The following HAO2 variants were observed in gnomAD, a reference collection of about 807,000 sequenced individuals.
HAO2 encodes the protein hydroxyacid oxidase 2, also known as 2-Hydroxyacid oxidase 2.
HAO2 carries 42 observed loss-of-function variants against 37.4 expected under a neutral mutation model. The observed-to-expected ratio is 1.12, with a 90% CI of 0.88 to 1.45. The LOEUF is 1.45. Among genes scored for constraint, HAO2 ranks in the 40% most tolerant of loss-of-function variants. HAO2 has a pLI of 0.00. For missense variants in HAO2, 476 were observed against 430.2 expected (o/e 1.11, Z -0.94); for synonymous variants, 180 against 162.8 (o/e 1.11, Z -0.81).
chr1:119,385,795 A>T (rs1650337035), intron 4 of HAO2: 1 of 984,288 alleles, frequency 1.0e-6, no homozygotes, highest in Non-Finnish European at 1.2e-6. Context: ...AACAGTTCTC[A>T]TTAATCACAG....
At chr1:119,380,852 G>T in intron 1 of HAO2, 1 of 728,612 alleles carries the variant, frequency 1.4e-6, no homozygotes, top group South Asian at 1.8e-5. Context: ...CAAATAATCA[G>T]GATTTGGGAA....
Position 119,392,186 on chromosome 1 carries a change from G to A in HAO2, c.848G>A (p.Gly283Asp), listed in dbSNP as rs1157697094. The A allele has an allele frequency of 1.5e-5, 25 of 1,613,294 alleles. No individual in the cohort carries two copies. Among genetic ancestry groups the A allele is most frequent in the Non-Finnish European group, 2.1e-5 (25 of 1,179,384 alleles). Residue 283 changes from glycine to aspartate, a missense_variant, in exon 6 of 8, where the codon GGC becomes GAC. Gly to Asp is a moderately conservative substitution (Grantham distance 94). Coordinates refer to ENST00000325945, the MANE Select transcript of HAO2 (RefSeq NM_016527.4). ...TACCTGGATGGCGGGGTCCGAACTG[G>A]CAATGATGTGCTGAAGGCTCTGGCC... Reference protein sequence around the residue: ...EVYLDGGVRTGNDVLKALALG... With the variant: ...EVYLDGGVRTDNDVLKALALG...
chr1:119,369,628 T>C (rs1222916835), intron 1 of HAO2, among the ~76,000 whole-genome samples: 1 of 152,236 alleles, frequency 6.6e-6, no homozygotes, highest in East Asian at 1.9e-4. Flanking sequence ...ACAAGATCCC[T>C]ATGAGATAGA....
At chr1:119,374,624 T>C (rs587700003) in intron 1 of HAO2, among the ~76,000 whole-genome samples, 4 of 152,258 alleles carry the variant, frequency 2.6e-5, no homozygotes, top group East Asian at 1.9e-4. Context: ...CTGACTTTTC[T>C]CCCCCGTTGT....
At chr1:119,381,451 T>C (rs1341711263) in intron 2 of HAO2, among the ~76,000 whole-genome samples, 2 of 152,182 alleles carry the variant, frequency 1.3e-5, no homozygotes, top group African/African-American at 2.4e-5. Context: ...TTCTCCTTCA[T>C]CTCAGCAACT....
Position 119,384,950 on chromosome 1 carries a change from T to C in HAO2, c.458T>C (p.Leu153Ser). ...QRVESLGFKA[L>S]VITLDTPVCG... ...GTAGAATCCCTAGGTTTCAAAGCTT[T>C]GGTAATAACTTTGGATACACCTGTA... The change falls in exon 4 of 8, where the codon TTG becomes TCG. Residue 153 changes from leucine (L) to serine (S), a missense_variant. Physicochemically the swap from Leu to Ser is moderately radical, Grantham distance 145. Transcript: ENST00000325945. 6.2e-7 allele frequency: 1 copy of C among 1,613,956 alleles called. No homozygotes were observed. The highest frequency in any genetic ancestry group is 1.1e-5 in the South Asian group (1 of 91,062).
At chr1:119,373,778 G>T (rs1031107909) in intron 1 of HAO2, among the ~76,000 whole-genome samples, 1 of 152,122 alleles carries the variant, frequency 6.6e-6, no homozygotes, top group Admixed American at 6.6e-5. Flanking sequence ...ATGCTTACAG[G>T]TTGAGAAGGG....
At chr1:119,389,632 A>ATT (rs111554074) in intron 5 of HAO2, among the ~76,000 whole-genome samples, 2 of 138,400 alleles carry the variant, frequency 1.4e-5, no homozygotes, top group Admixed American at 7.2e-5. Context: ...TTTTGATGAG[A>ATT]TTTTTTTTTT....
chr1:119,369,559 G>T (rs587605323), intron 1 of HAO2, among the ~76,000 whole-genome samples: 8 of 152,248 alleles, frequency 5.3e-5, no homozygotes. Context: ...AGCAAAATCC[G>T]CAAACTTTTA....
chr1:119,390,943 C>T (rs139675744), intron 5 of HAO2, among the ~76,000 whole-genome samples: 17 of 152,178 alleles, frequency 1.1e-4, no homozygotes, highest in Admixed American at 5.2e-4. Context: ...CAGGTGATTT[C>T]AAAGTTCCTC....
chr1:119,389,874 C>G (rs1235161717), intron 5 of HAO2, among the ~76,000 whole-genome samples: 1 of 152,102 alleles, frequency 6.6e-6, no homozygotes, highest in African/African-American at 2.4e-5. Context: ...AAGCCAATAT[C>G]TGGAAGGGTT....
chr1:119,370,302 A>T (rs1648877616), intron 1 of HAO2: 1 of 152,210 alleles, frequency 6.6e-6, no homozygotes, highest in East Asian at 1.9e-4. Flanking sequence ...CCTGGCTGAG[A>T]GTGTGTGTCA....
chr1:119,391,795 A>T (rs1402028192), intron 5 of HAO2, among the ~76,000 whole-genome samples: 2 of 152,180 alleles, frequency 1.3e-5, no homozygotes, highest in Non-Finnish European at 2.9e-5. Flanking sequence ...AAAAGAAGAA[A>T]GTTGAAGTAA....
In HAO2 at chr1:119,392,670, C is replaced by A; in HGVS notation, c.983C>A (p.Thr328Asn). The A allele has an allele frequency of 6.2e-7, 1 of 1,601,068 alleles. No homozygotes were observed. Residue 328 changes from threonine (T) to asparagine (N), a missense_variant, in exon 7 of 8, where the codon ACT becomes AAT. Transcript: ENST00000325945. ...VLNILTNEFH[T>N]SMALTGCRSV... ...AACATTTTAACAAATGAGTTCCACA[C>A]TTCCATGGCCCTTACAGGTAAGTTA...
intron 2 of HAO2, among the ~76,000 whole-genome samples, chr1:119,382,028 G>T (rs142998605): frequency 1.2e-3 from 189 of 152,288 alleles, no homozygotes; most frequent in African/African-American, 4.4e-3. Flanking sequence ...AAAGCTTGCT[G>T]ATTCCTGTGA....
chr1:119,388,933 C>A (rs1361834419), intron 5 of HAO2, among the ~76,000 whole-genome samples: 1 of 150,556 alleles, frequency 6.6e-6, no homozygotes, highest in East Asian at 2.0e-4. Context: ...CCTTCACACC[C>A]TTTCTCCCTT....
intron 1 of HAO2, among the ~76,000 whole-genome samples, chr1:119,375,585 C>T (rs1248389213): frequency 6.6e-6 from 1 of 152,072 alleles, no homozygotes; most frequent in Non-Finnish European, 1.5e-5. Flanking sequence ...AGTTCAGAAC[C>T]ATCTCTCATA....
In HAO2 at chr1:119,385,059, A is replaced by G. The variant is rs1650274015; in HGVS notation, c.561+6A>G. 6.2e-7 allele frequency: 1 copy of G among 1,601,976 alleles called. No individual in the cohort carries two copies. The highest frequency in any genetic ancestry group is 1.3e-5 in the African/African-American group (1 of 74,674). Reference sequence around the variant, plus strand: ...ATCTTCAATCACCTAAAAAGGTAAGAAAGATACCAAATTCGATGGACAGGC... The same window carrying G: ...ATCTTCAATCACCTAAAAAGGTAAGGAAGATACCAAATTCGATGGACAGGC... On this transcript the variant is annotated splice_donor_region_variant and intron_variant, in intron 4 of 7. Coordinates refer to ENST00000325945, the MANE Select transcript of HAO2 (RefSeq NM_016527.4).
rs776092417 is a variant in HAO2, at chr1:119,383,075, C to A, written c.283+9C>A. 2 of 1,605,806 alleles carry A rather than the reference C, an allele frequency of 1.2e-6. No individual in the cohort carries two copies. Among genetic ancestry groups the A allele is most frequent in the South Asian group, 2.2e-5 (2 of 89,856 alleles). Reference sequence around the variant, plus strand: ...AATGAGCACAGCAAGAGGTATGAACCATCCCCACCTCGAGGCTCCTTTCCG... The same window carrying A: ...AATGAGCACAGCAAGAGGTATGAACAATCCCCACCTCGAGGCTCCTTTCCG... On this transcript the variant is annotated intron_variant, in intron 3 of 7. Transcript: ENST00000325945.
Sources: gnomAD v4.1 joint callset for allele counts (sites outside exome capture counted in the v4.1 genomes callset) on GRCh38, gnomAD v4.1.1 for gene constraint, MANE v1.5 for transcripts, NCBI Gene and HGNC (gene_info 2026-07-23, HGNC 2026-07-21) for gene names.